The following NLRC5 variants were observed in gnomAD, a reference collection of about 807,000 sequenced individuals.
The protein encoded by NLRC5 is NLR family CARD domain containing 5.
NLRC5 carries 114 observed loss-of-function variants against 206.9 expected under a neutral mutation model. The observed-to-expected ratio is 0.55, with a 90% CI of 0.47 to 0.64. The LOEUF is 0.64. NLRC5 is among the 30% of genes least tolerant of loss of function. NLRC5 has a pLI of 0.00. For missense variants in NLRC5, 2,008 were observed against 2,305.5 expected (o/e 0.87, Z 2.64); for synonymous variants, 952 against 962.8 (o/e 0.99, Z 0.21).
Position 56,994,542 on chromosome 16 carries a change from A to T in NLRC5, c.-128+4925A>T, listed in dbSNP as rs182695945. ...AAGTAAACAAAGATGTGCATGTCAT[A>T]TGAGGTCAGGTGGAAGTGACTGCAG... On this transcript the variant is annotated intron_variant, in intron 1 of 48. Transcript: ENST00000688547. 1.0e-3 allele frequency among the ~76,000 whole-genome samples: 153 copies of T among 152,316 alleles called. 1 individual carries two copies. Among genetic ancestry groups the T allele is most frequent in the African/African-American group, 3.6e-3 (148 of 41,572 alleles).
chr16:57,004,810 G>A (rs765685780), intron 1 of NLRC5, among the ~76,000 whole-genome samples: 18 of 152,202 alleles, frequency 1.2e-4, no homozygotes, highest in Non-Finnish European at 1.9e-4. Context: ...GCACAGCAGC[G>A]AGGGCAGTTG....
intron 46 of NLRC5, among the ~76,000 whole-genome samples, chr16:57,080,383 C>T (rs1200030157): frequency 2.0e-5 from 3 of 151,910 alleles, no homozygotes; most frequent in Non-Finnish European, 2.9e-5. Context: ...GAAGTTAATA[C>T]CATTGTTTGT....
At chr16:57,018,229 T>C (rs1344400764) in intron 2 of NLRC5, among the ~76,000 whole-genome samples, 1 of 150,532 alleles carries the variant, frequency 6.6e-6, no homozygotes, top group Non-Finnish European at 1.5e-5. Flanking sequence ...CCCTAGGCTA[T>C]GGCCACATCC....
At chr16:57,002,466 A>G (rs574100277) in intron 1 of NLRC5, among the ~76,000 whole-genome samples, 1 of 152,140 alleles carries the variant, frequency 6.6e-6, no homozygotes, top group East Asian at 1.9e-4. Flanking sequence ...TTCTCTGTTC[A>G]TTCATCTGTC....
intron 1 of NLRC5, among the ~76,000 whole-genome samples, chr16:57,009,626 C>T (rs1950339649): frequency 6.6e-6 from 1 of 152,062 alleles, no homozygotes; most frequent in Admixed American, 6.6e-5. Context: ...TTATATACAA[C>T]TGTGAGCTAC....
rs1462057108 is a variant in NLRC5, at chr16:57,070,544, C to T, written c.4593C>T (p.Asn1531=). ...CHHLEELDLS[N]NQFDEEGTKA... is the part of the protein sequence containing the mutation. The stretch of plus-strand genomic sequence containing the variant: ...GCCTGGTCTTCTGCAGCTTGTCTAA[C>T]AATCAATTTGATGAGGAGGGCACCA... Residue 1531 remains asparagine (N), a synonymous_variant, in exon 38 of 49, where the codon AAC becomes AAT. Transcript: ENST00000688547. 6.2e-7 allele frequency: 1 copy of T among 1,614,030 alleles called. No homozygotes were observed. The highest frequency in any genetic ancestry group is 1.7e-5 in the Admixed American group (1 of 60,032).
At chr16:57,050,555 G>A (rs577279319) in intron 23 of NLRC5, among the ~76,000 whole-genome samples, 2 of 152,366 alleles carry the variant, frequency 1.3e-5, no homozygotes, top group East Asian at 1.9e-4. Flanking sequence ...AGAGGTCTGC[G>A]GGGGTTGGGA....
At chr16:57,059,662 G>C (rs2066159382) in intron 30 of NLRC5, 130 bp downstream of exon 30, 2 of 846,120 alleles carry the variant, frequency 2.4e-6, no homozygotes, top group Non-Finnish European at 3.5e-6. Context: ...TCACTGCCTG[G>C]GTCTGTTCCT....
At chr16:57,024,419 C>T (rs1176887605) in intron 5 of NLRC5, among the ~76,000 whole-genome samples, 2 of 152,222 alleles carry the variant, frequency 1.3e-5, no homozygotes, top group Non-Finnish European at 2.9e-5. Flanking sequence ...CTGCTGCCAA[C>T]CATGGCTATA....
intron 23 of NLRC5, among the ~76,000 whole-genome samples, chr16:57,050,558 G>T (rs186475216): frequency 6.7e-4 from 102 of 152,360 alleles, no homozygotes; most frequent in African/African-American, 1.9e-3. Context: ...GGTCTGCGGG[G>T]GTTGGGAAGT....
intron 24 of NLRC5, chr16:57,052,896 T>C (rs2065117870): frequency 6.6e-6 from 1 of 152,324 alleles, no homozygotes; most frequent in Non-Finnish European, 1.5e-5. Context: ...TCTCTTTGCC[T>C]AAATCACACA....
intron 20 of NLRC5, among the ~76,000 whole-genome samples, chr16:57,044,807 G>T (rs1241886912): frequency 3.3e-5 from 5 of 151,936 alleles, no homozygotes; most frequent in African/African-American, 1.2e-4. Context: ...CTACTTGGGA[G>T]GCTGAGGTGG....
chr16:57,047,866 T>G (rs1385392172), intron 23 of NLRC5: 1 of 561,412 alleles, frequency 1.8e-6, no homozygotes, highest in African/African-American at 1.9e-5. Context: ...AGCCTTCACC[T>G]GCACCATCCA....
At chr16:57,011,151 G>A (rs561417665) in intron 1 of NLRC5, among the ~76,000 whole-genome samples, 3 of 152,238 alleles carry the variant, frequency 2.0e-5, no homozygotes, top group South Asian at 2.1e-4. Flanking sequence ...AGTGGCTCAC[G>A]CCTGTAACCC....
chr16:57,019,238 A>G (rs2060403381), intron 2 of NLRC5, among the ~76,000 whole-genome samples: 3 of 152,178 alleles, frequency 2.0e-5, no homozygotes, highest in Admixed American at 6.5e-5. Context: ...TGTACTAAAA[A>G]TTACAAAAAT....
At chr16:57,069,768 C>T in intron 36 of NLRC5, 68 bp from the exon 37 acceptor site, 1 of 1,307,864 alleles carries the variant, frequency 7.6e-7, no homozygotes, top group Non-Finnish European at 1.1e-6. Flanking sequence ...CCCTCTGCCA[C>T]CAGCATTCAG....
intron 5 of NLRC5, 152 bp from the exon 6 acceptor site, chr16:57,025,216 T>C: frequency 1.5e-6 from 2 of 1,317,786 alleles, no homozygotes; most frequent in Non-Finnish European, 2.0e-6. Flanking sequence ...GTGGCACAGA[T>C]CCCCCTATGG....
At chr16:57,030,955 T>C (rs571085099) in intron 10 of NLRC5, among the ~76,000 whole-genome samples, 1 of 152,150 alleles carries the variant, frequency 6.6e-6, no homozygotes, top group East Asian at 1.9e-4. Flanking sequence ...ACAAAATTAA[T>C]GGGGCATGGT....
chr16:57,036,174 G>A lies in NLRC5; in HGVS notation c.2702G>A (p.Arg901Lys). ...AEAASQLHIA[R>K]KLDLSNNGLS... ...GCTGCATCCCAGCTGCACATCGCCA[G>A]GAAGCTGGAGTGAGTTGTCCACCCC... Residue 901 changes from arginine to lysine, a missense_variant, in exon 14 of 49, where the codon AGG becomes AAG. Arg to Lys is a conservative substitution (Grantham distance 26, BLOSUM62 2). Transcript: ENST00000688547. 6.2e-7 allele frequency: 1 copy of A among 1,613,190 alleles called. No individual in the cohort carries two copies. The highest frequency in any genetic ancestry group is 2.2e-5 in the East Asian group (1 of 44,874).
Sources: allele counts gnomAD v4.1 joint callset (sites outside exome capture counted in the v4.1 genomes callset), GRCh38; gene constraint gnomAD v4.1.1; transcripts MANE v1.5; gene names NCBI Gene and HGNC (gene_info 2026-07-23, HGNC 2026-07-21).